RNGTT: variants seen among roughly 807,000 people sequenced by gnomAD.
RNGTT encodes mRNA-capping enzyme.
RNGTT carries 33 observed loss-of-function variants against 79.3 expected under a neutral mutation model. The ratio of observed to expected loss-of-function variants is 0.42; its 90% CI spans 0.32 to 0.56. RNGTT has a LOEUF of 0.56. RNGTT is among the 20% of genes least tolerant of loss of function. The pLI is 0.17. For synonymous variants in RNGTT, 222 were observed against 235.9 expected (o/e 0.94, Z 0.54); for missense variants, 497 against 739.1 (o/e 0.67, Z 3.80).
At chr6:88,714,184 G>C (rs1254831831) in intron 13 of RNGTT, 4 of 152,180 alleles carry the variant, frequency 2.6e-5, no homozygotes, top group Non-Finnish European at 5.9e-5. Context: ...AGTGATGAAA[G>C]TGTTCCATGA....
intron 8 of RNGTT, among the ~76,000 whole-genome samples, chr6:88,874,144 T>C (rs1582568447): frequency 1.3e-5 from 2 of 152,130 alleles, no homozygotes; most frequent in African/African-American, 2.4e-5. Flanking sequence ...GATATACTCA[T>C]TTGCATTAAT....
At chr6:88,873,871 A>G (rs1562296410) in intron 8 of RNGTT, among the ~76,000 whole-genome samples, 1 of 152,190 alleles carries the variant, frequency 6.6e-6, no homozygotes, top group Non-Finnish European at 1.5e-5. Flanking sequence ...AGATAGGTTT[A>G]GTAAGATATA....
At chr6:88,765,945 T>C (rs1322979681) in intron 13 of RNGTT, among the ~76,000 whole-genome samples, 2 of 152,118 alleles carry the variant, frequency 1.3e-5, no homozygotes, top group South Asian at 2.1e-4. Context: ...AAATAGGAAA[T>C]GATTCACACA....
At chr6:88,811,448 A>G (rs576751629) in intron 11 of RNGTT, among the ~76,000 whole-genome samples, 1 of 152,254 alleles carries the variant, frequency 6.6e-6, no homozygotes, top group African/African-American at 2.4e-5. Context: ...TTACCATATG[A>G]TTGACTCTGA....
intron 12 of RNGTT, among the ~76,000 whole-genome samples, chr6:88,790,985 T>A (rs1180523343): frequency 6.6e-6 from 1 of 152,026 alleles, no homozygotes; most frequent in Non-Finnish European, 1.5e-5. Flanking sequence ...AGCTATAACT[T>A]TGGTGGGCTG....
chr6:88,758,419 C>G (rs1778093494), intron 13 of RNGTT, among the ~76,000 whole-genome samples: 1 of 152,164 alleles, frequency 6.6e-6, no homozygotes, highest in Non-Finnish European at 1.5e-5. Flanking sequence ...AGCCTCAGAG[C>G]TATTATACTT....
At chr6:88,865,973 A>G (rs370151908) in intron 8 of RNGTT, among the ~76,000 whole-genome samples, 7 of 152,180 alleles carry the variant, frequency 4.6e-5, no homozygotes, top group Admixed American at 2.0e-4. Flanking sequence ...TGTTTCCTTT[A>G]TCTACCAAAA....
intron 1 of RNGTT, among the ~76,000 whole-genome samples, chr6:88,949,256 G>C (rs1267487976): frequency 1.5e-5 from 2 of 136,148 alleles, no homozygotes; most frequent in African/African-American, 5.6e-5. Context: ...AAAATAATCA[G>C]TCTTTTTTTT....
At chr6:88,657,972 G>A (rs918995752) in intron 14 of RNGTT, among the ~76,000 whole-genome samples, 3 of 152,016 alleles carry the variant, frequency 2.0e-5, no homozygotes, top group Admixed American at 1.3e-4. Flanking sequence ...TTCTCTACCC[G>A]CCCTGGTAGG....
At chr6:88,659,122 C>T (rs555541626) in intron 14 of RNGTT, among the ~76,000 whole-genome samples, 5 of 152,210 alleles carry the variant, frequency 3.3e-5, no homozygotes, top group Non-Finnish European at 7.3e-5. Context: ...CAAGGGATTA[C>T]TCTGTGGGAT....
intron 8 of RNGTT, among the ~76,000 whole-genome samples, chr6:88,888,803 G>T (rs1461532905): frequency 2.0e-5 from 3 of 152,332 alleles, no homozygotes. Context: ...ACCAAGGCAG[G>T]TGGATCACCT....
chr6:88,725,186 A>C (rs924091606), intron 13 of RNGTT, among the ~76,000 whole-genome samples: 2 of 152,186 alleles, frequency 1.3e-5, no homozygotes, highest in African/African-American at 4.8e-5. Flanking sequence ...TCTCGTGAGG[A>C]GGCGTGGCCC....
intron 11 of RNGTT, among the ~76,000 whole-genome samples, chr6:88,806,430 GC>G (rs972870548): frequency 5.3e-5 from 8 of 150,402 alleles, no homozygotes; most frequent in African/African-American, 2.0e-4. Context: ...AGATTCTCCT[GC>G]CTCGGCCTCC....
At chr6:88,785,315 T>C (rs1779192100) in intron 12 of RNGTT, among the ~76,000 whole-genome samples, 1 of 152,112 alleles carries the variant, frequency 6.6e-6, no homozygotes, top group Non-Finnish European at 1.5e-5. Flanking sequence ...TGTACAGATA[T>C]ATCTATATCT....
chr6:88,617,144 C>T (rs1267975825), intron 14 of RNGTT, among the ~76,000 whole-genome samples: 1 of 152,170 alleles, frequency 6.6e-6, no homozygotes, highest in Non-Finnish European at 1.5e-5. Flanking sequence ...GTGGCAGGTG[C>T]CTGCAGTCCC....
At chr6:88,728,458 T>G (rs1165695733) in intron 13 of RNGTT, among the ~76,000 whole-genome samples, 1 of 152,208 alleles carries the variant, frequency 6.6e-6, no homozygotes, top group African/African-American at 2.4e-5. Flanking sequence ...TGGTCCAAAG[T>G]TCTGTGGACC....
At chr6:88,685,523 G>A (rs1775243447) in intron 13 of RNGTT, among the ~76,000 whole-genome samples, 1 of 151,572 alleles carries the variant, frequency 6.6e-6, no homozygotes. Flanking sequence ...CAACTTCAGA[G>A]AGGAGAGGGG....
chr6:88,689,714 T>C (rs1775412062), intron 13 of RNGTT, among the ~76,000 whole-genome samples: 1 of 151,780 alleles, frequency 6.6e-6, no homozygotes, highest in African/African-American at 2.4e-5. Context: ...AATTCACCAA[T>C]ATTTAAAATA....
At chr6:88,852,916 A>G (rs555918395) in intron 9 of RNGTT, among the ~76,000 whole-genome samples, 1 of 152,346 alleles carries the variant, frequency 6.6e-6, no homozygotes, top group African/African-American at 2.4e-5. Flanking sequence ...CCATTCAGAC[A>G]TTTATGTGAA....
Sources: gnomAD v4.1 joint callset for allele counts (sites outside exome capture counted in the v4.1 genomes callset) on GRCh38, gnomAD v4.1.1 for gene constraint, MANE v1.5 for transcripts, NCBI Gene and HGNC (gene_info 2026-07-23, HGNC 2026-07-21) for gene names.